The following CD99L2 variants were observed in gnomAD, a reference collection of about 807,000 sequenced individuals.
CD99L2 encodes the protein CD99 molecule like 2.
Under a neutral mutation model 27.3 loss-of-function variants are expected in CD99L2, and 24 were observed. The ratio of observed to expected loss-of-function variants is 0.88; its 90% CI spans 0.64 to 1.24. CD99L2 has a LOEUF of 1.24. CD99L2 is among the 50% of genes most tolerant of loss of function. The pLI, the probability that CD99L2 is intolerant of heterozygous loss-of-function variation, is 0.00. For synonymous variants in CD99L2, 97 were observed against 87.9 expected (o/e 1.10, Z -0.58); for missense variants, 255 against 221.6 (o/e 1.15, Z -0.96).
chrX:150,791,245 A>G (rs1371191841), intron 7 of CD99L2, among the ~76,000 whole-genome samples: 1 of 112,083 alleles, frequency 8.9e-6, no homozygotes, highest in Non-Finnish European at 1.9e-5. Context: ...ATATATACAT[A>G]TATTTCCTAT....
intron 7 of CD99L2, among the ~76,000 whole-genome samples, chrX:150,786,153 G>A (rs1439843849): frequency 1.8e-5 from 2 of 110,873 alleles, no homozygotes; most frequent in Non-Finnish European, 3.8e-5. Context: ...AGTTATTCTG[G>A]AGGATGTGTT....
chrX:150,824,437 AAAGAAGAAAGAAG>A (rs1216051098), intron 2 of CD99L2, among the ~76,000 whole-genome samples: 5 of 83,900 alleles, frequency 6.0e-5, no homozygotes, highest in Non-Finnish European at 9.9e-5. Flanking sequence ...GAAGAAGAAG[AAAGAAGAAAGAAG>A]AAGAAGAAAG....
intron 1 of CD99L2, among the ~76,000 whole-genome samples, chrX:150,852,121 T>C (rs1231234755): frequency 1.8e-5 from 2 of 112,252 alleles, no homozygotes; most frequent in African/African-American, 6.5e-5. Flanking sequence ...ATCCACTTTA[T>C]GCTGGGTAGT....
Position 150,818,976 on chromosome X carries a change from C to A in CD99L2, c.131-2898G>T. ...TCACATGCCATAATAGTAATGGTGG[C>A]AAATCTAACTACCAGGAGAAACTTG... On this transcript the variant is annotated intron_variant, in intron 2 of 10. Coordinates refer to ENST00000370377, the MANE Select transcript of CD99L2 (RefSeq NM_031462.4). 9.2e-6 allele frequency: 3 copies of A among 327,734 alleles called. No individual in the cohort carries two copies. The South Asian group carries it at 9.2e-5, about 10-fold the overall frequency. 27.0% of individuals were successfully genotyped at this position (327,734 alleles called of 1,213,427 possible).
At chrX:150,780,263 A>G (rs1557419407) in intron 7 of CD99L2, among the ~76,000 whole-genome samples, 1 of 111,862 alleles carries the variant, frequency 8.9e-6, no homozygotes, top group African/African-American at 3.3e-5. Flanking sequence ...AGAAAAAGGA[A>G]AGAAGACAAG....
At chrX:150,882,534 G>T (rs1261557079) in intron 1 of CD99L2, among the ~76,000 whole-genome samples, 3 of 110,251 alleles carry the variant, frequency 2.7e-5, no homozygotes, top group South Asian at 7.9e-4. Flanking sequence ...AGACCAGCCT[G>T]GCCAACATGG....
intron 1 of CD99L2, among the ~76,000 whole-genome samples, chrX:150,833,182 GA>G (rs1372572324): frequency 9.1e-6 from 1 of 110,307 alleles, no homozygotes; most frequent in East Asian, 2.8e-4. Flanking sequence ...TGAACTGTCT[GA>G]AAAAAAGAAA....
In CD99L2 at chrX:150,832,118, C is replaced by T. The variant is rs149417914; in HGVS notation, c.68-825G>A. Among the ~76,000 whole-genome samples, 321 of 112,233 alleles carry T rather than the reference C, an allele frequency of 2.9e-3. 2 individuals carry two copies. Among genetic ancestry groups the T allele is most frequent in the Non-Finnish European group, 4.9e-3 (263 of 53,270 alleles). ...AATACACACTCTTCTCAAGTGCACA[C>T]GAAACATTCTCCAGGATAGATCATA... On this transcript the variant is annotated intron_variant, in intron 1 of 10. Transcript: ENST00000370377.
chrX:150,890,876 C>A (rs2047502751), intron 1 of CD99L2, among the ~76,000 whole-genome samples: 1 of 113,296 alleles, frequency 8.8e-6, no homozygotes, highest in African/African-American at 3.2e-5. Flanking sequence ...AGGTGGCCTG[C>A]AACATGGGCC....
At chrX:150,837,776 TAAAC>T (rs2046556103) in intron 1 of CD99L2, among the ~76,000 whole-genome samples, 1 of 112,157 alleles carries the variant, frequency 8.9e-6, no homozygotes. Context: ...ATTACATAAA[TAAAC>T]AAAAGAGAGA....
chrX:150,878,263 G>A (rs978532622), intron 1 of CD99L2, among the ~76,000 whole-genome samples: 12 of 108,253 alleles, frequency 1.1e-4, no homozygotes, highest in African/African-American at 3.0e-4. Flanking sequence ...ACTTGAACCC[G>A]GGAGGCGGAG....
At chrX:150,881,898 AC>A (rs2047333085) in intron 1 of CD99L2, among the ~76,000 whole-genome samples, 1 of 104,352 alleles carries the variant, frequency 9.6e-6, no homozygotes, top group Admixed American at 1.0e-4. Context: ...GCTCACTGCA[AC>A]CTCCGCCTCC....
chrX:150,808,200 A>T (rs1388036272), intron 4 of CD99L2, among the ~76,000 whole-genome samples: 2 of 112,859 alleles, frequency 1.8e-5, no homozygotes. Context: ...ACTGATATCG[A>T]AAACATCACT....
At chrX:150,805,804 A>AG (rs2045985261) in intron 4 of CD99L2, among the ~76,000 whole-genome samples, 1 of 111,764 alleles carries the variant, frequency 8.9e-6, no homozygotes, top group East Asian at 2.8e-4. Context: ...AACAGTATAT[A>AG]CTCTGTGATT....
chrX:150,893,253 C>A (rs1277065547), intron 1 of CD99L2, among the ~76,000 whole-genome samples: 4 of 111,636 alleles, frequency 3.6e-5, no homozygotes, highest in Non-Finnish European at 5.6e-5. Flanking sequence ...GTCAGACGAG[C>A]GCAGCAACTG....
rs781872703 is a variant in CD99L2, at chrX:150,842,829, A to C, written c.68-11536T>G. 7.1e-5 allele frequency among the ~76,000 whole-genome samples: 8 copies of C among 112,444 alleles called. No individual in the cohort carries two copies. The South Asian group carries it at 2.6e-3, about 36-fold the overall frequency. On this transcript the variant is annotated intron_variant, in intron 1 of 10. Transcript: ENST00000370377. ...GTGTTTGACAGCACAGACAGAGAAC[A>C]TTTCCATCATCACAGAAAGTTCCAT... is the stretch of plus-strand genomic sequence containing the variant.
intron 7 of CD99L2, among the ~76,000 whole-genome samples, chrX:150,782,875 G>A (rs967729760): frequency 3.6e-5 from 4 of 110,701 alleles, no homozygotes; most frequent in African/African-American, 1.3e-4. Context: ...CAAACATTTA[G>A]TCCATAACAG....
At chrX:150,864,462 C>T in intron 1 of CD99L2, among the ~76,000 whole-genome samples, 1 of 112,131 alleles carries the variant, frequency 8.9e-6, no homozygotes, top group Non-Finnish European at 1.9e-5. Context: ...GCCCATGGGC[C>T]CTATTGGTGG....
At chrX:150,859,654 C>T (rs1341586304) in intron 1 of CD99L2, among the ~76,000 whole-genome samples, 1 of 109,184 alleles carries the variant, frequency 9.2e-6, no homozygotes, top group Non-Finnish European at 1.9e-5. Flanking sequence ...CCTGCCACCA[C>T]GCCCAGCTAA....
Sources: gnomAD v4.1 joint callset for allele counts (sites outside exome capture counted in the v4.1 genomes callset) on GRCh38, gnomAD v4.1.1 for gene constraint, MANE v1.5 for transcripts, NCBI Gene and HGNC (gene_info 2026-07-23, HGNC 2026-07-21) for gene names.